PLEKHA6: variants seen among roughly 807,000 people sequenced by gnomAD.
The protein encoded by PLEKHA6 is pleckstrin homology domain containing A6, also known as pleckstrin homology domain-containing family A member 6.
In PLEKHA6, 60 loss-of-function variants were observed where a neutral mutation model predicts 116.7. That is an observed-to-expected ratio of 0.51 (90% CI 0.42 to 0.64). PLEKHA6 has a LOEUF of 0.64. Ranked by LOEUF, PLEKHA6 falls within the 30% of genes least tolerant of loss-of-function variation. The probability of loss-of-function intolerance (pLI) is 0.00; values close to 1 mark genes in which losing one functional copy is unlikely to be tolerated. For missense variants in PLEKHA6, 1,338 were observed against 1,422.7 expected (o/e 0.94, Z 0.96); for synonymous variants, 489 against 556.1 (o/e 0.88, Z 1.70).
chr1:204,349,207 T>C (rs1673187797), intron 1 of PLEKHA6, among the ~76,000 whole-genome samples: 1 of 152,174 alleles, frequency 6.6e-6, no homozygotes, highest in South Asian at 2.1e-4. Context: ...TGGGATCTGT[T>C]TGGATCTTGA....
chr1:204,260,452 C>T (rs1016392924), intron 7 of PLEKHA6, among the ~76,000 whole-genome samples: 7 of 152,204 alleles, frequency 4.6e-5, no homozygotes, highest in African/African-American at 1.7e-4. Context: ...CCCTGTGTTC[C>T]TAGCACCCAC....
chr1:204,375,858 A>T (rs1474529655), intron 1 of PLEKHA6, among the ~76,000 whole-genome samples: 1 of 133,554 alleles, frequency 7.5e-6, no homozygotes, highest in African/African-American at 2.9e-5. Context: ...GCTCTAGGTT[A>T]CCTGTTCCTC....
At chr1:204,263,840 A>G (rs1465534253) in intron 6 of PLEKHA6, among the ~76,000 whole-genome samples, 1 of 152,116 alleles carries the variant, frequency 6.6e-6, no homozygotes, top group Admixed American at 6.5e-5. Context: ...CCCTGGAGTC[A>G]GAGCTTTATT....
At chr1:204,353,635 A>T (rs1673342283) in intron 1 of PLEKHA6, among the ~76,000 whole-genome samples, 1 of 152,170 alleles carries the variant, frequency 6.6e-6, no homozygotes, top group South Asian at 2.1e-4. Flanking sequence ...ATTGCTTTAT[A>T]TTCACACCTA....
chr1:204,259,762 G>T lies in PLEKHA6; in HGVS notation c.525-22C>A, dbSNP rs1450822676. ...ATGGCTGCAGGATGCCAAGGGAGAT[G>T]CTGTCAGTGACTCTAGCCCAGCATG... On this transcript the variant is annotated intron_variant, in intron 7 of 22. Coordinates refer to ENST00000272203, the MANE Select transcript of PLEKHA6 (RefSeq NM_014935.5). The surrounding 1 kb of genome is among the most constrained non-coding windows in gnomAD (Gnocchi z 4.6). 1.3e-6 allele frequency: 2 copies of T among 1,592,044 alleles called. No homozygotes were observed. The highest frequency in any genetic ancestry group is 1.1e-5 in the South Asian group (1 of 87,616).
chr1:204,350,235 G>A (rs1240601669), intron 1 of PLEKHA6, among the ~76,000 whole-genome samples: 1 of 152,180 alleles, frequency 6.6e-6, no homozygotes, highest in East Asian at 1.9e-4. Context: ...GTGGGAGGAT[G>A]GCTTGAGCCA....
chr1:204,329,931 A>G (rs1261638762), intron 1 of PLEKHA6, among the ~76,000 whole-genome samples: 1 of 151,816 alleles, frequency 6.6e-6, no homozygotes, highest in Non-Finnish European at 1.5e-5. Context: ...GTTTCTTCAG[A>G]AGAGAGAGAG....
intron 1 of PLEKHA6, among the ~76,000 whole-genome samples, chr1:204,321,741 A>G (rs565370012): frequency 2.3e-4 from 35 of 152,206 alleles, no homozygotes; most frequent in Non-Finnish European, 4.3e-4. Flanking sequence ...TGTGAAACGG[A>G]AAGGACAAGG....
At chr1:204,324,963 G>C (rs1406678998) in intron 1 of PLEKHA6, among the ~76,000 whole-genome samples, 1 of 151,980 alleles carries the variant, frequency 6.6e-6, no homozygotes, top group East Asian at 1.9e-4. Flanking sequence ...TGTTGCCCAG[G>C]CTGGAGTGCA....
At chr1:204,258,396 A>G (rs1349170562) in intron 8 of PLEKHA6, among the ~76,000 whole-genome samples, 2 of 152,218 alleles carry the variant, frequency 1.3e-5, no homozygotes, top group Admixed American at 1.3e-4. Context: ...GTAGAGTAGT[A>G]GCTGGGACCA....
At chr1:204,349,685 T>C (rs1474695726) in intron 1 of PLEKHA6, among the ~76,000 whole-genome samples, 1 of 152,246 alleles carries the variant, frequency 6.6e-6, no homozygotes, top group African/African-American at 2.4e-5. Context: ...TTGCTGCTTC[T>C]GGCCCTAGGC....
chr1:204,279,519 A>G (rs1668377046), intron 1 of PLEKHA6, among the ~76,000 whole-genome samples: 1 of 152,252 alleles, frequency 6.6e-6, no homozygotes, highest in Non-Finnish European at 1.5e-5. Flanking sequence ...TGGGATGTCA[A>G]AAGGCTTCCA....
intron 1 of PLEKHA6, among the ~76,000 whole-genome samples, chr1:204,356,564 C>T (rs1487785759): frequency 6.9e-6 from 1 of 144,262 alleles, no homozygotes; most frequent in Non-Finnish European, 1.5e-5. Context: ...AAGGCCCTGT[C>T]TCAAATAATA....
At chr1:204,313,273 G>A (rs996941976) in intron 1 of PLEKHA6, among the ~76,000 whole-genome samples, 2 of 151,972 alleles carry the variant, frequency 1.3e-5, no homozygotes, top group South Asian at 2.1e-4. Context: ...CTGACTAATC[G>A]CCCTGTTGGA....
chr1:204,228,903 G>C lies in PLEKHA6; in HGVS notation c.2751+34C>G. 6.2e-7 allele frequency: 1 copy of C among 1,614,044 alleles called. No homozygotes were observed. Among genetic ancestry groups the C allele is most frequent in the Non-Finnish European group, 8.5e-7 (1 of 1,179,964 alleles). On this transcript the variant is annotated intron_variant, in intron 19 of 22. Coordinates refer to ENST00000272203, the MANE Select transcript of PLEKHA6 (RefSeq NM_014935.5). The surrounding 1 kb of genome is among the most constrained non-coding windows in gnomAD (Gnocchi z 4.0). ...GTCACCACCTCTGTCCCTTCCCAGA[G>C]TCTCCCACTACAGCCCTTCCTGGCT...
chr1:204,263,660 T>C (rs915327977), intron 6 of PLEKHA6, among the ~76,000 whole-genome samples: 1 of 152,030 alleles, frequency 6.6e-6, no homozygotes, highest in Non-Finnish European at 1.5e-5. Flanking sequence ...CGCCTGCTGC[T>C]GGCAGAGCTC....
At chr1:204,346,809 C>T in intron 1 of PLEKHA6, 2 of 1,252,248 alleles carry the variant, frequency 1.6e-6, no homozygotes, top group Non-Finnish European at 2.4e-6. Context: ...TAGGTTCCAG[C>T]AGCTCAGGCT....
chr1:204,372,941 T>C (rs2103418007), intron 1 of PLEKHA6, among the ~76,000 whole-genome samples: 1 of 150,952 alleles, frequency 6.6e-6, no homozygotes, highest in African/African-American at 2.4e-5. Flanking sequence ...ACGGTCTCAC[T>C]CTGCCATCCA....
intron 1 of PLEKHA6, among the ~76,000 whole-genome samples, chr1:204,317,974 C>T (rs574955776): frequency 6.6e-6 from 1 of 152,312 alleles, no homozygotes; most frequent in African/African-American, 2.4e-5. Flanking sequence ...AAGTACTTTA[C>T]ACAAGTGCTA....
Sources: allele counts gnomAD v4.1 joint callset (sites outside exome capture counted in the v4.1 genomes callset), GRCh38; gene constraint gnomAD v4.1.1; non-coding constraint Gnocchi (gnomAD v3.1); transcripts MANE v1.5; gene names NCBI Gene and HGNC (gene_info 2026-07-23, HGNC 2026-07-21).